The following CBL variants were observed in gnomAD, a reference collection of about 807,000 sequenced individuals.
CBL encodes E3 ubiquitin-protein ligase CBL.
Under a neutral mutation model 96.9 loss-of-function variants are expected in CBL, and 45 were observed. That is an observed-to-expected ratio of 0.46 (90% CI 0.37 to 0.60). CBL has a LOEUF of 0.60. CBL is among the 20% of genes least tolerant of loss of function. CBL has a pLI of 0.00. For missense variants in CBL, 1,024 were observed against 1,143.5 expected (o/e 0.90, Z 1.51); for synonymous variants, 420 against 426.8 (o/e 0.98, Z 0.20).
intron 1 of CBL, 110 bp downstream of exon 1, chr11:119,206,722 C>G: frequency 1.9e-6 from 2 of 1,049,794 alleles, no homozygotes; most frequent in South Asian, 3.2e-5. Flanking sequence ...TCTGGTGAAG[C>G]CGGGGAGGCG....
At chr11:119,259,000 G>T (rs1949732608) in intron 2 of CBL, among the ~76,000 whole-genome samples, 1 of 152,048 alleles carries the variant, frequency 6.6e-6, no homozygotes, top group Non-Finnish European at 1.5e-5. Flanking sequence ...CATCTCCTTG[G>T]TTAAATATAT....
At chr11:119,274,081 CTTTTTTT>C in intron 4 of CBL, 57 bp downstream of exon 4, 1 of 916,456 alleles carries the variant, frequency 1.1e-6, no homozygotes, top group Non-Finnish European at 1.6e-6. Context: ...GAAGAGAAAG[CTTTTTTT>C]TTTTTTTTTT....
At position 119,306,127 on chromosome 11, in the gene CBL, G is replaced by A; in HGVS notation, c.*6346G>A. 2.5e-6 allele frequency: 1 copy of A among 396,804 alleles called. No individual in the cohort carries two copies. Among genetic ancestry groups the A allele is most frequent in the Non-Finnish European group, 4.4e-6 (1 of 225,426 alleles). The allele number at this position is 396,804 out of a possible 1,614,324, so 24.6% of individuals were successfully genotyped here. On this transcript the variant is annotated 3_prime_UTR_variant, in exon 16 of 16. Transcript: ENST00000264033. The stretch of plus-strand genomic sequence containing the variant: ...GAGTAGGAGATGGGGAAATAGGGAT[G>A]GGGAGAGCAAGCCCCGCATGTCCAT...
chr11:119,218,272 A>G (rs1949379371), intron 1 of CBL, among the ~76,000 whole-genome samples: 1 of 152,170 alleles, frequency 6.6e-6, no homozygotes, highest in South Asian at 2.1e-4. Context: ...TCTATGCTAT[A>G]GAGTCACTGG....
In CBL at chr11:119,300,591, A is replaced by G; in HGVS notation, c.*810A>G. On this transcript the variant is annotated 3_prime_UTR_variant, in exon 16 of 16. Coordinates refer to ENST00000264033, the MANE Select transcript of CBL (RefSeq NM_005188.4). ...GGCATGTTTGATACTAGCAGCTAAC[A>G]CTGGTCACTCCAAAGCACTGTTTCT... is the stretch of plus-strand genomic sequence containing the variant. 1 of 399,230 alleles carries G rather than the reference A, an allele frequency of 2.5e-6. No individual in the cohort carries two copies. The highest frequency in any genetic ancestry group is 4.4e-6 in the Non-Finnish European group (1 of 226,168). The allele number at this position is 399,230 out of a possible 1,614,324, so 24.7% of individuals were successfully genotyped here. A position where few individuals can be genotyped will look rare whatever the true frequency, so the allele number is the denominator to read the frequency against.
chr11:119,254,324 C>A (rs563612461), intron 2 of CBL, among the ~76,000 whole-genome samples: 1 of 152,282 alleles, frequency 6.6e-6, no homozygotes, highest in African/African-American at 2.4e-5. Context: ...TATGTAAGTG[C>A]AACCATGTAT....
At chr11:119,294,380 GATCA>G (rs1413007356) in intron 12 of CBL, among the ~76,000 whole-genome samples, 19 of 150,766 alleles carry the variant, frequency 1.3e-4, no homozygotes, top group African/African-American at 4.2e-4. Context: ...AGTGAGCCAA[GATCA>G]CGCCATTGCA....
chr11:119,214,882 T>C (rs1949346085), intron 1 of CBL, among the ~76,000 whole-genome samples: 1 of 150,836 alleles, frequency 6.6e-6, no homozygotes, highest in Non-Finnish European at 1.5e-5. Flanking sequence ...ATTGAGGGGA[T>C]CTGGTAGGGA....
chr11:119,229,888 C>T (rs1434652257), intron 1 of CBL, among the ~76,000 whole-genome samples: 1 of 151,632 alleles, frequency 6.6e-6, no homozygotes, highest in Non-Finnish European at 1.5e-5. Context: ...CCACCATGTC[C>T]GGCTAATTTT....
rs575628374 is a variant in CBL, at chr11:119,242,338, T to C, written c.443+9643T>C. 3.5e-3 allele frequency among the ~76,000 whole-genome samples: 533 copies of C among 151,978 alleles called. 2 individuals carry two copies. The highest frequency in any genetic ancestry group is 6.1e-3 in the Non-Finnish European group (414 of 67,960). ...CGTTGGATCACCTGAGGTCAGGAGTTCGAGACCAGCGTGAACATGGTGAAA... is the reference window on the plus strand; with the variant it reads ...CGTTGGATCACCTGAGGTCAGGAGTCCGAGACCAGCGTGAACATGGTGAAA... On this transcript the variant is annotated intron_variant, in intron 2 of 15. Coordinates refer to ENST00000264033, the MANE Select transcript of CBL (RefSeq NM_005188.4).
chr11:119,236,450 A>G (rs1165928584), intron 2 of CBL, among the ~76,000 whole-genome samples: 3 of 151,926 alleles, frequency 2.0e-5, no homozygotes, highest in Admixed American at 6.6e-5. Context: ...ATTTCAATGT[A>G]TGGATATACC....
intron 2 of CBL, among the ~76,000 whole-genome samples, chr11:119,245,724 C>G (rs1055682983): frequency 6.6e-6 from 1 of 151,906 alleles, no homozygotes; most frequent in East Asian, 1.9e-4. Flanking sequence ...AGCAAAACTC[C>G]GTCTCAAAAA....
Position 119,206,580 on chromosome 11 carries a change from A to G in CBL, c.163A>G (p.Met55Val), listed in dbSNP as rs866496657. The G allele has an allele frequency of 1.3e-6, 2 of 1,548,768 alleles. No homozygotes were observed. Among genetic ancestry groups the G allele is most frequent in the Non-Finnish European group, 1.7e-6 (2 of 1,146,268 alleles). Residue 55 changes from methionine (M) to valine (V), a missense_variant, in exon 1 of 16, where the codon ATG (methionine) becomes GTG (valine). By Grantham distance (21) the Met-to-Val change is conservative. Transcript: ENST00000264033. ...CCCGCCGGGGACGGTGGACAAGAAG[A>G]TGGTGGAGAAGTGCTGGAAGCTCAT... ...PHPPGTVDKK[M>V]VEKCWKLMDK... is the part of the protein sequence containing the mutation.
At chr11:119,270,142 C>T (rs1015641907) in intron 2 of CBL, among the ~76,000 whole-genome samples, 1 of 151,456 alleles carries the variant, frequency 6.6e-6, no homozygotes, top group African/African-American at 2.4e-5. Context: ...TATCCTGTTT[C>T]TGTGGCAATA....
intron 1 of CBL, among the ~76,000 whole-genome samples, chr11:119,228,335 A>G (rs893904437): frequency 5.9e-5 from 9 of 151,960 alleles, no homozygotes; most frequent in Non-Finnish European, 8.8e-5. Flanking sequence ...CTGAATTTTA[A>G]TTTTTTAGAA....
At chr11:119,226,491 A>T (rs1949459577) in intron 1 of CBL, among the ~76,000 whole-genome samples, 1 of 148,444 alleles carries the variant, frequency 6.7e-6, no homozygotes, top group East Asian at 2.0e-4. Context: ...GAAACAGGAC[A>T]TTTTTTTTTT....
At chr11:119,284,805 GTC>G (rs762110695) in intron 9 of CBL, among the ~76,000 whole-genome samples, 162 bp from the exon 10 acceptor site, 21 of 152,272 alleles carry the variant, frequency 1.4e-4, no homozygotes, top group Non-Finnish European at 1.8e-4. Context: ...AAGTGCTAGA[GTC>G]TCTGGAAGTT....
chr11:119,265,320 A>G (rs979636175), intron 2 of CBL, among the ~76,000 whole-genome samples: 1 of 152,208 alleles, frequency 6.6e-6, no homozygotes, highest in Non-Finnish European at 1.5e-5. Flanking sequence ...TTAATTCTTC[A>G]GAACAATAAT....
rs773110111 is a variant in CBL, at chr11:119,278,563, A to G, written c.1281A>G (p.Glu427=). ...GCCGATGTGAAATTAAAGGTACTGA[A>G]CCCATCGTGGTAGATCCGTTTGATC... ...PFCRCEIKGT[E]PIVVDPFDPR... The change falls in exon 9 of 16, where the codon GAA becomes GAG. Residue 427 remains glutamate, a synonymous_variant. Transcript: ENST00000264033. 1.9e-6 allele frequency: 3 copies of G among 1,613,992 alleles called. No homozygotes were observed. Among genetic ancestry groups the G allele is most frequent in the East Asian group, 4.5e-5 (2 of 44,892 alleles).
Sources: allele counts gnomAD v4.1 joint callset (sites outside exome capture counted in the v4.1 genomes callset), GRCh38; gene constraint gnomAD v4.1.1; transcripts MANE v1.5; gene names NCBI Gene and HGNC (gene_info 2026-07-23, HGNC 2026-07-21).